The following TTBK1 variants were observed in gnomAD, a reference collection of about 807,000 sequenced individuals.
The protein encoded by TTBK1 is tau-tubulin kinase 1.
A neutral mutation model predicts 108.5 loss-of-function variants in TTBK1; 34 were observed. The ratio of observed to expected loss-of-function variants is 0.31; its 90% confidence interval spans 0.24 to 0.42. The LOEUF (loss-of-function observed/expected upper bound fraction) is 0.42. Among genes scored for constraint, TTBK1 ranks in the 10% least tolerant of loss-of-function variants. The probability of loss-of-function intolerance (pLI) is 1.00; values close to 1 mark genes in which losing one functional copy is unlikely to be tolerated. For synonymous variants in TTBK1, 809 were observed against 795.1 expected (o/e 1.02, Z -0.29); for missense variants, 1,539 against 1,826.0 (o/e 0.84, Z 2.86).
chr6:43,252,867 C>T lies in TTBK1; in HGVS notation c.237C>T (p.Ala79=), dbSNP rs774455336. 15 of 1,613,392 alleles carry T rather than the reference C, an allele frequency of 9.3e-6. No homozygotes were observed. Among genetic ancestry groups the T allele is most frequent in the Admixed American group, 1.7e-5 (1 of 59,970 alleles). The change falls in exon 3 of 15, where the codon GCC becomes GCT. Residue 79 remains alanine (A), a synonymous_variant. Transcript: ENST00000259750. ...QPKQVLKMEV[A]VLKKLQGKDH... ...AGCAGGTCCTCAAGATGGAGGTGGC[C>T]GTGCTCAAGAAGTTGCAAGGTTCGG...
chr6:43,249,062 T>G (rs1225491206), intron 2 of TTBK1, among the ~76,000 whole-genome samples: 2 of 152,114 alleles, frequency 1.3e-5, no homozygotes, highest in Non-Finnish European at 2.9e-5. Flanking sequence ...CAAATTTCCA[T>G]GACTAGTAGG....
At position 43,253,257 on chromosome 6, in the gene TTBK1, TAAGAGCTGG is replaced by T. The variant is rs1777294639; in HGVS notation, c.257-29_257-21del. 1 of 1,608,964 alleles carries T rather than the reference TAAGAGCTGG, an allele frequency of 6.2e-7. No homozygotes were observed. Among genetic ancestry groups the T allele is most frequent in the Non-Finnish European group, 8.5e-7 (1 of 1,176,080 alleles). On this transcript the variant is annotated intron_variant, in intron 3 of 14. Transcript: ENST00000259750. The surrounding 1 kb of genome is among the most constrained non-coding windows in gnomAD (Gnocchi z 5.8). ...AGGGTTGGAAATGAGGAAGAAAGAG[TAAGAGCTGG>T]AAGACCTATGTCTGTGCCCCTCAGG...
intron 12 of TTBK1, among the ~76,000 whole-genome samples, chr6:43,260,421 G>A (rs1777508446): frequency 6.6e-6 from 1 of 152,178 alleles, no homozygotes; most frequent in Non-Finnish European, 1.5e-5. Context: ...AGTAGGACTG[G>A]GGCCTTCTCT....
chr6:43,265,708 G>C lies in TTBK1; in HGVS notation c.1986+2358G>C, dbSNP rs549549968. On this transcript the variant is annotated intron_variant, in intron 13 of 14. Coordinates refer to ENST00000259750, the MANE Select transcript of TTBK1 (RefSeq NM_032538.3). This position sits in a 1 kb window ranked among gnomAD's most constrained non-coding sequence, Gnocchi z 4.1. ...GGCATCAGAGGTGACTTGCACAATA[G>C]GTTGTACCCGTAGGAAGTGCAGAGT... 1.3e-5 allele frequency among the ~76,000 whole-genome samples: 2 copies of C among 152,274 alleles called. No homozygotes were observed. Among genetic ancestry groups the C allele is most frequent in the East Asian group, 1.9e-4 (1 of 5,158 alleles).
intron 12 of TTBK1, among the ~76,000 whole-genome samples, chr6:43,261,453 C>T (rs545703314): frequency 5.9e-5 from 9 of 152,338 alleles, no homozygotes; most frequent in Admixed American, 2.0e-4. Flanking sequence ...CAGAAATATC[C>T]TCCTCTTGGG....
Position 43,269,747 on chromosome 6 carries a change from C to T in TTBK1, c.1986+6397C>T. The stretch of plus-strand genomic sequence containing the variant: ...CCTCCACGCTGGAGACGGAGCATTA[C>T]CCTCACCCCGGCGGCGGCGGCTCCT... On this transcript the variant is annotated intron_variant, in intron 13 of 14. Transcript: ENST00000259750. The surrounding 1 kb of genome is among the most constrained non-coding windows in gnomAD (Gnocchi z 4.8). The T allele has an allele frequency of 6.2e-7, 1 of 1,606,956 alleles. No homozygotes were observed. The highest frequency in any genetic ancestry group is 8.5e-7 in the Non-Finnish European group (1 of 1,179,096).
intron 2 of TTBK1, among the ~76,000 whole-genome samples, chr6:43,250,294 A>G (rs1777201358): frequency 6.8e-6 from 1 of 147,826 alleles, no homozygotes; most frequent in Non-Finnish European, 1.5e-5. Context: ...TTTCTGTAAC[A>G]TTATGGATTC....
intron 13 of TTBK1, chr6:43,271,757 A>C: frequency 1.1e-6 from 1 of 936,310 alleles, no homozygotes. Flanking sequence ...CTTTCTTTGT[A>C]AGTCTATTTA....
In TTBK1 at chr6:43,285,007, G is replaced by A. The variant is rs1778320416; in HGVS notation, c.3597G>A (p.Gly1199=). Residue 1199 remains glycine, a synonymous_variant, in exon 15 of 15, where the codon GGG becomes GGA. Coordinates refer to ENST00000259750, the MANE Select transcript of TTBK1 (RefSeq NM_032538.3). The surrounding 1 kb of genome is among the most constrained non-coding windows in gnomAD (Gnocchi z 4.7). Reference sequence around the variant, plus strand: ...GGCTCCAGCTGCAGACGCCCCCAGGGTCGGCCACTGCTGCTGACCTCCGCC... The same window carrying A: ...GGCTCCAGCTGCAGACGCCCCCAGGATCGGCCACTGCTGCTGACCTCCGCC... ...TSRLQLQTPP[G]SATAADLRPK... is the part of the protein sequence containing the mutation. 6.6e-7 allele frequency: 1 copy of A among 1,516,996 alleles called. No homozygotes were observed. The highest frequency in any genetic ancestry group is 2.7e-5 in the East Asian group (1 of 37,134). The allele number at this position is 1,516,996 out of a possible 1,614,324, so 94.0% of individuals were successfully genotyped here.
At chr6:43,244,986 G>A (rs1242608587) in intron 1 of TTBK1, among the ~76,000 whole-genome samples, 1 of 152,168 alleles carries the variant, frequency 6.6e-6, no homozygotes, top group Non-Finnish European at 1.5e-5. Context: ...AAGTTGTAAG[G>A]ATTGGAGGAA....
At chr6:43,284,880 G>A in intron 14 of TTBK1, 103 bp from the exon 15 acceptor site, 1 of 1,392,810 alleles carries the variant, frequency 7.2e-7, no homozygotes, top group South Asian at 1.6e-5. Context: ...CAGCTCTGAG[G>A]ATGCCGGACT....
chr6:43,250,264 T>C (rs1174349568), intron 2 of TTBK1, among the ~76,000 whole-genome samples: 1 of 152,092 alleles, frequency 6.6e-6, no homozygotes, highest in Non-Finnish European at 1.5e-5. Context: ...CTCACACTTT[T>C]AATGTTGATG....
rs1777411804 is a variant in TTBK1 at position 43,257,471 on chromosome 6, G to A, written c.862-341G>A. Among the ~76,000 whole-genome samples, 1 of 152,096 alleles carries A rather than the reference G, an allele frequency of 6.6e-6. No individual in the cohort carries two copies. Among genetic ancestry groups the A allele is most frequent in the Non-Finnish European group, 1.5e-5 (1 of 68,012 alleles). On this transcript the variant is annotated intron_variant, in intron 9 of 14. Transcript: ENST00000259750. The surrounding 1 kb of genome is among the most constrained non-coding windows in gnomAD (Gnocchi z 4.5). ...CAGAGGGGCAGTCTGTGCAGAGGCA[G>A]CACCCCATGCATGGGTTTGGAAACT... is the stretch of plus-strand genomic sequence containing the variant.
At position 43,273,305 on chromosome 6, in the gene TTBK1, C is replaced by T. The variant is rs1777883733; in HGVS notation, c.1987-9422C>T. Reference sequence around the variant, plus strand: ...AGTCTATAGAAAAGAGGGGAGTTGTCAGCAAGCCATATTTTCCTTCCTTTC... The same window carrying T: ...AGTCTATAGAAAAGAGGGGAGTTGTTAGCAAGCCATATTTTCCTTCCTTTC... On this transcript the variant is annotated intron_variant, in intron 13 of 14. Coordinates refer to ENST00000259750, the MANE Select transcript of TTBK1 (RefSeq NM_032538.3). The surrounding 1 kb of genome is among the most constrained non-coding windows in gnomAD (Gnocchi z 4.2). Among the ~76,000 whole-genome samples the T allele has an allele frequency of 6.6e-6, 1 of 152,162 alleles. No individual in the cohort carries two copies. The highest frequency in any genetic ancestry group is 2.4e-5 in the African/African-American group (1 of 41,428).
At position 43,273,468 on chromosome 6, in the gene TTBK1, G is replaced by A. The variant is rs1247096914; in HGVS notation, c.1987-9259G>A. On this transcript the variant is annotated intron_variant, in intron 13 of 14. Coordinates refer to ENST00000259750, the MANE Select transcript of TTBK1 (RefSeq NM_032538.3). The surrounding 1 kb of genome is among the most constrained non-coding windows in gnomAD (Gnocchi z 4.2). ...ACATGGCCCCAAGCATCCCACAGCA[G>A]CTCTGGGGATCAGGTGGGCAGAGGA... Among the ~76,000 whole-genome samples the A allele has an allele frequency of 6.6e-6, 1 of 152,210 alleles. No homozygotes were observed. The highest frequency in any genetic ancestry group is 1.5e-5 in the Non-Finnish European group (1 of 68,042).
intron 13 of TTBK1, among the ~76,000 whole-genome samples, chr6:43,281,117 T>C (rs1276852312): frequency 6.6e-6 from 1 of 152,094 alleles, no homozygotes; most frequent in Non-Finnish European, 1.5e-5. Flanking sequence ...CTCACGCCTG[T>C]AATCCCAGCA....
intron 13 of TTBK1, chr6:43,272,355 G>C: frequency 4.1e-6 from 4 of 985,444 alleles, no homozygotes; most frequent in Non-Finnish European, 4.8e-6. Flanking sequence ...GTGAAATATT[G>C]AAGATGATGG....
Position 43,259,339 on chromosome 6 carries a change from T to G in TTBK1, c.1248+70T>G. On this transcript the variant is annotated intron_variant, in intron 11 of 14. Transcript: ENST00000259750. The surrounding 1 kb of genome is among the most constrained non-coding windows in gnomAD (Gnocchi z 6.7). ...CCCCCGATTCCCAGCCTTGTGCCCCTGCCCTGTTCCTCCTAAGCACCCTGT... is the reference window on the plus strand; with the variant it reads ...CCCCCGATTCCCAGCCTTGTGCCCCGGCCCTGTTCCTCCTAAGCACCCTGT... The G allele has an allele frequency of 7.2e-7, 1 of 1,394,134 alleles. No individual in the cohort carries two copies. Among genetic ancestry groups the G allele is most frequent in the Non-Finnish European group, 9.7e-7 (1 of 1,031,016 alleles). The allele number at this position is 1,394,134 out of a possible 1,614,324, so 86.4% of individuals were successfully genotyped here. A position where few individuals can be genotyped will look rare whatever the true frequency, so the allele number is the denominator to read the frequency against.
At chr6:43,262,369 T>C (rs1777563618) in intron 12 of TTBK1, among the ~76,000 whole-genome samples, 1 of 151,938 alleles carries the variant, frequency 6.6e-6, no homozygotes, top group African/African-American at 2.4e-5. Context: ...CAGTTGGGTG[T>C]GTTTGCCTGG....
Sources: gnomAD v4.1 joint callset for allele counts (sites outside exome capture counted in the v4.1 genomes callset) on GRCh38, gnomAD v4.1.1 for gene constraint, Gnocchi (gnomAD v3.1) non-coding constraint, MANE v1.5 for transcripts, NCBI Gene and HGNC (gene_info 2026-07-23, HGNC 2026-07-21) for gene names.